Variants in TRMT2B observed in about 807,000 individuals in gnomAD.
TRMT2B encodes the protein tRNA (uracil-5-)-methyltransferase homolog B.
Under a neutral mutation model 39.7 loss-of-function variants are expected in TRMT2B, and 34 were observed. The observed-to-expected ratio is 0.86, with a 90% CI of 0.65 to 1.14. The LOEUF (loss-of-function observed/expected upper bound fraction) is 1.14, where lower values mean the gene tolerates loss of function less well. TRMT2B is among the 50% of genes most tolerant of loss of function. The pLI, the probability that TRMT2B is intolerant of heterozygous loss-of-function variation, is 0.00. For synonymous variants in TRMT2B, 132 were observed against 137.3 expected, an observed-to-expected ratio of 0.96 and a Z score of 0.27; for missense variants, 318 against 377.2, an observed-to-expected ratio of 0.84 and a Z score of 1.30.
chrX:101,015,613 A>G, intron 13 of TRMT2B: 3 of 747,481 alleles, frequency 4.0e-6, no homozygotes, highest in Non-Finnish European at 4.7e-6. Flanking sequence ...ACAGTGGTGC[A>G]GTCTCAGCTT....
intron 13 of TRMT2B, chrX:101,015,560 C>A (rs2086469861): frequency 1.7e-6 from 1 of 577,118 alleles, no homozygotes; most frequent in Non-Finnish European, 2.1e-6. Context: ...TATAATATTG[C>A]CTTTTCATAT....
intron 13 of TRMT2B, 148 bp from the exon 14 acceptor site, chrX:101,010,855 G>T: frequency 1.9e-6 from 1 of 513,369 alleles, no homozygotes; most frequent in Non-Finnish European, 3.0e-6. Flanking sequence ...TAATATAATC[G>T]TTTTTCTTCA....
chrX:101,037,104 G>A (rs1417224228), intron 5 of TRMT2B, 31 bp from the exon 6 acceptor site: 3 of 1,067,018 alleles, frequency 2.8e-6, no homozygotes, highest in East Asian at 3.0e-5. Context: ...GGAGGGGGAT[G>A]AGAGGTCAAA....
chrX:101,023,166 G>A (rs767447776), intron 8 of TRMT2B, among the ~76,000 whole-genome samples: 22 of 112,233 alleles, frequency 2.0e-4, no homozygotes, highest in South Asian at 3.7e-4. Context: ...CTATTGAATT[G>A]GCATTTGGAT....
chrX:100,990,750 A>G, the TRMT2B span: 1 of 468,060 alleles, frequency 2.1e-6, no homozygotes, highest in Non-Finnish European at 3.5e-6. Flanking sequence ...TACAGGGTTC[A>G]TTTAGAAATA....
At chrX:101,044,191 A>G (rs943581926) in intron 2 of TRMT2B, among the ~76,000 whole-genome samples, 8 of 107,026 alleles carry the variant, frequency 7.5e-5, no homozygotes, top group Non-Finnish European at 1.4e-4. Flanking sequence ...GCAGTGAGCC[A>G]AGATTGTGCC....
chrX:101,012,316 T>A (rs930601875), intron 13 of TRMT2B, among the ~76,000 whole-genome samples: 2 of 108,898 alleles, frequency 1.8e-5, no homozygotes, highest in East Asian at 2.9e-4. Flanking sequence ...CCATTATAAT[T>A]TTTTTTTCAT....
chrX:101,049,042 A>G (rs1309417125), intron 2 of TRMT2B, among the ~76,000 whole-genome samples: 1 of 111,976 alleles, frequency 8.9e-6, no homozygotes, highest in East Asian at 2.8e-4. Context: ...AGATGTAACA[A>G]TGCATGCAAG....
At chrX:100,988,247 C>T in the TRMT2B span, 1 of 1,209,149 alleles carries the variant, frequency 8.3e-7, no homozygotes, top group Non-Finnish European at 1.1e-6. Context: ...TAGAACAATG[C>T]TCAATCGAAG....
At chrX:101,044,249 GAAAAAAAA>G (rs35472826) in intron 2 of TRMT2B, among the ~76,000 whole-genome samples, 1 of 43,560 alleles carries the variant, frequency 2.3e-5, no homozygotes, top group Non-Finnish European at 4.3e-5. Flanking sequence ...CTCAAAAAGA[GAAAAAAAA>G]AAAAAAAAAA....
chrX:100,998,567 A>C, the TRMT2B span, among the ~76,000 whole-genome samples: 4 of 110,032 alleles, frequency 3.6e-5, no homozygotes, highest in South Asian at 3.9e-4. Flanking sequence ...AAAAAAAAAA[A>C]AAAAAACGAC....
the TRMT2B span, among the ~76,000 whole-genome samples, chrX:100,979,929 C>T: frequency 1.8e-5 from 2 of 111,362 alleles, no homozygotes; most frequent in Admixed American, 9.5e-5. Context: ...GTTCTTTTCC[C>T]TTACTTTCTC....
At chrX:100,988,074 T>G in the TRMT2B span, 1 of 526,284 alleles carries the variant, frequency 1.9e-6, no homozygotes, top group Non-Finnish European at 3.1e-6. Flanking sequence ...ATCCTCTTGC[T>G]CTGTTGTCAC....
chrX:101,004,123 T>G, the TRMT2B span, among the ~76,000 whole-genome samples: 1 of 111,755 alleles, frequency 8.9e-6, no homozygotes, highest in Admixed American at 9.6e-5. Context: ...TGCCTCAGCC[T>G]CCAAAAGTAG....
the TRMT2B span, among the ~76,000 whole-genome samples, chrX:100,991,575 C>T: frequency 1.8e-5 from 2 of 111,232 alleles, no homozygotes; most frequent in East Asian, 5.6e-4. Context: ...GGGGTTTCAC[C>T]GTGTTAGCCA....
the TRMT2B span, among the ~76,000 whole-genome samples, chrX:100,989,386 C>T: frequency 6.4e-5 from 7 of 109,908 alleles, no homozygotes; most frequent in Admixed American, 9.7e-5. Flanking sequence ...CTGAGGCGGG[C>T]GGATCATGAG....
intron 4 of TRMT2B, 26 bp from the exon 5 acceptor site, chrX:101,038,077 C>A (rs371335825): frequency 8.3e-7 from 1 of 1,200,272 alleles, no homozygotes; most frequent in Non-Finnish European, 1.1e-6. Context: ...AGCTATGAAA[C>A]GAAATACTGG....
At chrX:100,988,259 T>G in the TRMT2B span, 4 of 1,209,610 alleles carry the variant, frequency 3.3e-6, no homozygotes, top group Non-Finnish European at 4.5e-6. Context: ...CAATCGAAGC[T>G]AAGCCTCTAA....
chrX:101,035,500 C>A (rs2087781142), intron 7 of TRMT2B, 113 bp downstream of exon 7: 2 of 640,810 alleles, frequency 3.1e-6, no homozygotes, highest in East Asian at 6.5e-5. Context: ...CAGTACAGAG[C>A]CCCTCCTTCC....
Sources: allele counts gnomAD v4.1 joint callset (sites outside exome capture counted in the v4.1 genomes callset), GRCh38; gene constraint gnomAD v4.1.1; transcripts MANE v1.5; gene names NCBI Gene and HGNC (gene_info 2026-07-23, HGNC 2026-07-21).